Variants in BLK observed in about 807,000 individuals in gnomAD.
The protein encoded by BLK is tyrosine-protein kinase Blk.
A neutral mutation model predicts 61.8 loss-of-function variants in BLK; 64 were observed. The ratio of observed to expected loss-of-function variants is 1.03; its 90% CI spans 0.85 to 1.27. The LOEUF is 1.27. Ranked by LOEUF, BLK falls within the 50% of genes most tolerant of loss-of-function variation. The probability of loss-of-function intolerance (pLI) is 0.00; values close to 1 mark genes in which losing one functional copy is unlikely to be tolerated. For missense variants in BLK, 853 were observed against 660.5 expected (o/e 1.29, Z -3.19); for synonymous variants, 351 against 272.0 (o/e 1.29, Z -2.86).
chr8:11,520,475 TC>T (rs1563435597), intron 1 of BLK, among the ~76,000 whole-genome samples: 1 of 17,512 alleles, frequency 5.7e-5, no homozygotes, highest in Non-Finnish European at 9.5e-5. Flanking sequence ...AGACCTTGTC[TC>T]AAAAAAAAAA....
At chr8:11,501,435 G>A (rs1232862191) in intron 1 of BLK, among the ~76,000 whole-genome samples, 1 of 151,410 alleles carries the variant, frequency 6.6e-6, no homozygotes, top group Non-Finnish European at 1.5e-5. Flanking sequence ...TATCTGATGG[G>A]CTCTCTGGCA....
intron 1 of BLK, among the ~76,000 whole-genome samples, chr8:11,520,870 C>T (rs1463551609): frequency 2.6e-5 from 4 of 151,772 alleles, no homozygotes; most frequent in African/African-American, 9.7e-5. Flanking sequence ...TTCTTTTTTT[C>T]AACAATAACA....
intron 1 of BLK, among the ~76,000 whole-genome samples, chr8:11,531,644 T>A (rs1031996118): frequency 2.0e-5 from 3 of 152,222 alleles, no homozygotes; most frequent in Non-Finnish European, 4.4e-5. Flanking sequence ...TTTCCATTTT[T>A]GGTTTCTTTA....
intron 11 of BLK, among the ~76,000 whole-genome samples, chr8:11,562,150 G>A (rs1801526856): frequency 6.6e-6 from 1 of 152,176 alleles, no homozygotes; most frequent in Non-Finnish European, 1.5e-5. Context: ...ACCTTCCATG[G>A]AATTAGGCTT....
At chr8:11,526,301 G>A (rs1234991417) in intron 1 of BLK, among the ~76,000 whole-genome samples, 1 of 152,140 alleles carries the variant, frequency 6.6e-6, no homozygotes, top group Non-Finnish European at 1.5e-5. Flanking sequence ...ATATTTAAAT[G>A]TTTACGTCTC....
chr8:11,522,237 G>A (rs1385789596), intron 1 of BLK, among the ~76,000 whole-genome samples: 11 of 152,158 alleles, frequency 7.2e-5, no homozygotes, highest in South Asian at 2.1e-4. Context: ...TGAATAGGCC[G>A]TATACAGAGG....
chr8:11,548,990 A>T, intron 4 of BLK, 34 bp from the exon 5 acceptor site: 1 of 1,570,846 alleles, frequency 6.4e-7, no homozygotes, highest in South Asian at 1.2e-5. Flanking sequence ...TACAGGGGCC[A>T]TGATCTCATC....
rs553590616 is a variant in BLK, at chr8:11,557,818, G to A, written c.953-144G>A. The A allele has an allele frequency of 5.2e-5, 37 of 709,266 alleles. No homozygotes were observed. In the South Asian group the frequency reaches 5.6e-4, roughly 11 times the overall value. 43.9% of individuals were successfully genotyped at this position (709,266 alleles called of 1,614,324 possible). A position where few individuals can be genotyped will look rare whatever the true frequency, so the allele number is the denominator to read the frequency against. On this transcript the variant is annotated intron_variant, in intron 9 of 12. Transcript: ENST00000259089. ...GGAAGGCACTCGGCAGCAGTAGGTA[G>A]ATCCTTCCTGATGCACCGAGAGATC...
At chr8:11,548,270 G>C in intron 4 of BLK, 145 bp downstream of exon 4, 1 of 685,520 alleles carries the variant, frequency 1.5e-6, no homozygotes, top group East Asian at 2.7e-5. Context: ...GCATTTTCTT[G>C]AACTTGGCCC....
At chr8:11,534,541 T>G (rs1800029768) in intron 1 of BLK, among the ~76,000 whole-genome samples, 1 of 152,208 alleles carries the variant, frequency 6.6e-6, no homozygotes, top group South Asian at 2.1e-4. Flanking sequence ...AACACAGCTT[T>G]ATAAAAATGC....
chr8:11,540,904 G>T (rs777493488), intron 1 of BLK, among the ~76,000 whole-genome samples: 12 of 150,972 alleles, frequency 7.9e-5, no homozygotes, highest in Non-Finnish European at 1.8e-4. Context: ...CAAAGCCAGC[G>T]CACCTTAATG....
chr8:11,504,195 G>A (rs1011224614), intron 1 of BLK, among the ~76,000 whole-genome samples: 3 of 151,978 alleles, frequency 2.0e-5, no homozygotes, highest in Non-Finnish European at 2.9e-5. Flanking sequence ...GGTGGTGTGC[G>A]ACTGTAATCC....
Position 11,561,315 on chromosome 8 carries a change from T to C in BLK, c.1043T>C (p.Met348Thr). 6.2e-7 allele frequency: 1 copy of C among 1,613,712 alleles called. No homozygotes were observed. The highest frequency in any genetic ancestry group is 8.5e-7 in the Non-Finnish European group (1 of 1,179,834). The change falls in exon 11 of 13, where the codon ATG (methionine) becomes ACG (threonine). Residue 348 changes from methionine (M) to threonine (T), a missense_variant. Physicochemically the swap from Met to Thr is moderately conservative, Grantham distance 81. Transcript: ENST00000259089. Reference protein sequence around the residue: ...IDMSAQIAEGMAYIERMNSIH... With the variant: ...IDMSAQIAEGTAYIERMNSIH... ...CTGTTCCCTCAGATTGCTGAAGGGA[T>C]GGCATACATTGAGCGCATGAATTCC...
intron 1 of BLK, among the ~76,000 whole-genome samples, chr8:11,506,505 G>T (rs903121369): frequency 1.3e-5 from 2 of 152,114 alleles, no homozygotes; most frequent in Admixed American, 1.3e-4. Context: ...TGACAGACTG[G>T]ATTTACGTAT....
chr8:11,500,416 A>C (rs1798513799), intron 1 of BLK, among the ~76,000 whole-genome samples: 1 of 151,580 alleles, frequency 6.6e-6, no homozygotes, highest in African/African-American at 2.4e-5. Flanking sequence ...GGCTGGTCTC[A>C]AACTCTGGAC....
At chr8:11,499,951 A>G (rs1187594483) in intron 1 of BLK, among the ~76,000 whole-genome samples, 1 of 152,020 alleles carries the variant, frequency 6.6e-6, no homozygotes, top group Non-Finnish European at 1.5e-5. Context: ...GCGGTCTCAA[A>G]TCTTTTCTGG....
At chr8:11,550,967 G>A (rs1213623705) in intron 6 of BLK, among the ~76,000 whole-genome samples, 3 of 152,122 alleles carry the variant, frequency 2.0e-5, no homozygotes, top group Admixed American at 6.5e-5. Context: ...GAGCATCCCA[G>A]ACCACCAGGA....
chr8:11,533,678 G>A (rs1799996296), intron 1 of BLK, among the ~76,000 whole-genome samples: 1 of 150,810 alleles, frequency 6.6e-6, no homozygotes, highest in Non-Finnish European at 1.5e-5. Flanking sequence ...AGGGAGATGG[G>A]GAGGGGGAGG....
chr8:11,520,632 C>G (rs1480107418), intron 1 of BLK, among the ~76,000 whole-genome samples: 1 of 151,982 alleles, frequency 6.6e-6, no homozygotes, highest in African/African-American at 2.4e-5. Context: ...TTCTGCAAGC[C>G]TATAGCCAGA....
Sources: gnomAD v4.1 joint callset for allele counts (sites outside exome capture counted in the v4.1 genomes callset) on GRCh38, gnomAD v4.1.1 for gene constraint, MANE v1.5 for transcripts, NCBI Gene and HGNC (gene_info 2026-07-23, HGNC 2026-07-21) for gene names.